Variants in DAAM1 observed in about 807,000 individuals in gnomAD.
DAAM1 encodes the protein dishevelled associated activator of morphogenesis 1.
A neutral mutation model predicts 130.0 loss-of-function variants in DAAM1; 52 were observed. The ratio of observed to expected loss-of-function variants is 0.40; its 90% CI spans 0.32 to 0.50. The LOEUF (loss-of-function observed/expected upper bound fraction) is 0.50, where lower values mean the gene tolerates loss of function less well. DAAM1 is among the 20% of genes least tolerant of loss of function. The pLI is 0.61. For missense variants in DAAM1, 1,134 were observed against 1,303.8 expected, an observed-to-expected ratio of 0.87 and a Z score of 2.01; for synonymous variants, 452 against 444.5, an observed-to-expected ratio of 1.02 and a Z score of -0.21.
At position 59,213,931 on chromosome 14, in the gene DAAM1, G is replaced by T. The variant is rs1594760518; in HGVS notation, c.-38+25163G>T. Among the ~76,000 whole-genome samples, 3 of 152,156 alleles carry T rather than the reference G, an allele frequency of 2.0e-5. No individual in the cohort carries two copies. The South Asian group carries it at 6.2e-4, about 32-fold the overall frequency. ...TTCCTGGATTTCACCATCTATCAAA[G>T]GGCAACCTCAGAGCTTGTTTCTCAG... On this transcript the variant is annotated intron_variant, in intron 1 of 24. Transcript: ENST00000360909.
chr14:59,355,206 C>T lies in DAAM1; in HGVS notation c.2398C>T (p.Leu800Phe). 6.2e-7 allele frequency: 1 copy of T among 1,614,058 alleles called. No homozygotes were observed. The highest frequency in any genetic ancestry group is 8.5e-7 in the Non-Finnish European group (1 of 1,179,984). ...GSEEVFRSGALKQLLEVVLAF... is the reference protein window; with the variant it reads ...GSEEVFRSGAFKQLLEVVLAF... ...AGAAGAGGTGTTTAGGAGTGGTGCC[C>T]TCAAGCAGTTGCTGGAGGTGGTTTT... Residue 800 changes from leucine (L) to phenylalanine (F), a missense_variant, in exon 20 of 25, where the codon CTC becomes TTC. Coordinates refer to ENST00000360909, the MANE Select transcript of DAAM1 (RefSeq NM_001270520.2).
chr14:59,249,151 A>G (rs1199585969), intron 1 of DAAM1, among the ~76,000 whole-genome samples: 2 of 152,148 alleles, frequency 1.3e-5, no homozygotes, highest in African/African-American at 4.8e-5. Flanking sequence ...CCTGGAAATG[A>G]CATCATTACC....
At chr14:59,196,885 A>T (rs1253233965) in intron 1 of DAAM1, among the ~76,000 whole-genome samples, 1 of 152,218 alleles carries the variant, frequency 6.6e-6, no homozygotes, top group Non-Finnish European at 1.5e-5. Context: ...GAATATGGAA[A>T]ATGTCATACA....
In DAAM1 at chr14:59,326,501, CT is replaced by C; in HGVS notation, c.1175-3del. On this transcript the variant is annotated splice_region_variant and splice_polypyrimidine_tract_variant and intron_variant, in intron 10 of 24. Transcript: ENST00000360909. ...GAAGATTTTTTTTCACTATTCTTTT[CT>C]TTTTTAGACAAGAGGAGTGGCAACA... 2.6e-6 allele frequency: 4 copies of C among 1,558,984 alleles called. No homozygotes were observed. The highest frequency in any genetic ancestry group is 3.5e-6 in the Non-Finnish European group (4 of 1,154,992).
At chr14:59,250,996 C>G (rs1881613457) in intron 1 of DAAM1, among the ~76,000 whole-genome samples, 1 of 152,106 alleles carries the variant, frequency 6.6e-6, no homozygotes, top group Admixed American at 6.5e-5. Context: ...TCAAACTTTG[C>G]TGCACATTGG....
intron 1 of DAAM1, among the ~76,000 whole-genome samples, chr14:59,225,494 C>T (rs1449488783): frequency 6.6e-6 from 1 of 152,214 alleles, no homozygotes; most frequent in African/African-American, 2.4e-5. Context: ...CTGTCTAAAG[C>T]AAGTTGGGAC....
chr14:59,259,323 C>T (rs562224108), intron 1 of DAAM1, among the ~76,000 whole-genome samples: 2 of 152,224 alleles, frequency 1.3e-5, no homozygotes, highest in South Asian at 2.1e-4. Context: ...CTAAGAGAGC[C>T]CAGACCATAT....
chr14:59,229,565 T>G (rs898128898), intron 1 of DAAM1, among the ~76,000 whole-genome samples: 3 of 152,194 alleles, frequency 2.0e-5, no homozygotes, highest in African/African-American at 4.8e-5. Context: ...CTATCTGTCC[T>G]GGCCCTTTGT....
chr14:59,200,070 G>A (rs1416472810), intron 1 of DAAM1, among the ~76,000 whole-genome samples: 8 of 152,194 alleles, frequency 5.3e-5, no homozygotes, highest in Admixed American at 3.9e-4. Context: ...GTTGGTTAGA[G>A]CAAAGTAAAG....
chr14:59,221,255 G>A (rs548619301), intron 1 of DAAM1, among the ~76,000 whole-genome samples: 1 of 152,282 alleles, frequency 6.6e-6, no homozygotes, highest in South Asian at 2.1e-4. Context: ...CTGAAATACT[G>A]ACATAAAGTC....
At chr14:59,342,188 A>T (rs1346956812) in intron 16 of DAAM1, among the ~76,000 whole-genome samples, 1 of 152,182 alleles carries the variant, frequency 6.6e-6, no homozygotes, top group Non-Finnish European at 1.5e-5. Context: ...ATTAAAATCC[A>T]GTTTAGTGTA....
At chr14:59,313,413 G>A (rs1290984514) in intron 3 of DAAM1, among the ~76,000 whole-genome samples, 1 of 152,226 alleles carries the variant, frequency 6.6e-6, no homozygotes, top group African/African-American at 2.4e-5. Flanking sequence ...ATATCTACGT[G>A]TGCTGTTAAT....
intron 3 of DAAM1, among the ~76,000 whole-genome samples, chr14:59,294,798 T>C: frequency 6.6e-6 from 1 of 152,216 alleles, no homozygotes; most frequent in Admixed American, 6.5e-5. Flanking sequence ...CAATGAACCA[T>C]CTGACCACAA....
Position 59,309,993 on chromosome 14 carries a change from T to C in DAAM1, c.274-5287T>C, listed in dbSNP as rs538520299. Among the ~76,000 whole-genome samples, 13 of 152,348 alleles carry C rather than the reference T, an allele frequency of 8.5e-5. No individual in the cohort carries two copies. The South Asian group carries it at 2.5e-3, about 29-fold the overall frequency. ...AAACTATTTTGGCCTATCTGCCCTTTTCTGCCTAGGTTTCTGTATAAATTT... is the reference window on the plus strand; with the variant it reads ...AAACTATTTTGGCCTATCTGCCCTTCTCTGCCTAGGTTTCTGTATAAATTT... On this transcript the variant is annotated intron_variant, in intron 3 of 24. Coordinates refer to ENST00000360909, the MANE Select transcript of DAAM1 (RefSeq NM_001270520.2).
intron 3 of DAAM1, among the ~76,000 whole-genome samples, chr14:59,306,674 A>T (rs1884391496): frequency 6.6e-6 from 1 of 151,350 alleles, no homozygotes; most frequent in Non-Finnish European, 1.5e-5. Flanking sequence ...GTCTAACCTC[A>T]CTGAGTTCAC....
chr14:59,291,856 A>G (rs2139566338), intron 3 of DAAM1, among the ~76,000 whole-genome samples: 1 of 152,292 alleles, frequency 6.6e-6, no homozygotes, highest in South Asian at 2.1e-4. Context: ...TGCTGGTTGC[A>G]TGGCCACATC....
intron 3 of DAAM1, 86 bp from the exon 4 acceptor site, chr14:59,315,194 G>T (rs188299652): frequency 8.3e-7 from 1 of 1,200,050 alleles, no homozygotes; most frequent in African/African-American, 1.5e-5. Flanking sequence ...GTGGGTCATT[G>T]TCTGGGTGCT....
At chr14:59,310,095 T>C (rs1884522933) in intron 3 of DAAM1, among the ~76,000 whole-genome samples, 1 of 145,764 alleles carries the variant, frequency 6.9e-6, no homozygotes, top group Non-Finnish European at 1.5e-5. Flanking sequence ...CCTAGAATAG[T>C]AGTGACAAAT....
Position 59,254,442 on chromosome 14 carries a change from A to G in DAAM1, c.-37-8999A>G, listed in dbSNP as rs78121606. ...TGTTTTTGTAGCCTCCACAATTTAA[A>G]TTTGTCTTTGTACGGTATCTGAGTG... On this transcript the variant is annotated intron_variant, in intron 1 of 24. Transcript: ENST00000360909. Among the ~76,000 whole-genome samples, 607 of 152,294 alleles carry G rather than the reference A, an allele frequency of 4.0e-3. 5 individuals are homozygous for G. Among genetic ancestry groups the G allele is most frequent in the Non-Finnish European group, 5.1e-3 (349 of 68,022 alleles).
Sources: gnomAD v4.1 joint callset for allele counts (sites outside exome capture counted in the v4.1 genomes callset) on GRCh38, gnomAD v4.1.1 for gene constraint, MANE v1.5 for transcripts, NCBI Gene and HGNC (gene_info 2026-07-23, HGNC 2026-07-21) for gene names.